The following NBEAL2 variants were observed in gnomAD, a reference collection of about 807,000 sequenced individuals.
NBEAL2 encodes neurobeachin-like protein 2.
NBEAL2 carries 160 observed loss-of-function variants against 299.8 expected under a neutral mutation model. The ratio of observed to expected loss-of-function variants is 0.53; its 90% CI spans 0.47 to 0.61. NBEAL2 has a LOEUF of 0.61. NBEAL2 is among the 20% of genes least tolerant of loss of function. The pLI is 0.00. For missense variants in NBEAL2, 3,112 were observed against 3,649.0 expected, an observed-to-expected ratio of 0.85 and a Z score of 3.79; for synonymous variants, 1,493 against 1,542.3, an observed-to-expected ratio of 0.97 and a Z score of 0.75.
At position 46,989,878 on chromosome 3, in the gene NBEAL2, G is replaced by A. The variant is rs997496597; in HGVS notation, c.556+285G>A. 6.6e-6 allele frequency among the ~76,000 whole-genome samples: 1 copy of A among 152,114 alleles called. No homozygotes were observed. Among genetic ancestry groups the A allele is most frequent in the African/African-American group, 2.4e-5 (1 of 41,400 alleles). ...TCCTTCTAGCCACTTGTACCCTACTGTGATCTTAAAACTCTCTGGTCCAAT... is the reference window on the plus strand; with the variant it reads ...TCCTTCTAGCCACTTGTACCCTACTATGATCTTAAAACTCTCTGGTCCAAT... On this transcript the variant is annotated intron_variant, in intron 6 of 53. Coordinates refer to ENST00000450053, the MANE Select transcript of NBEAL2 (RefSeq NM_015175.3). The surrounding 1 kb of genome is among the most constrained non-coding windows in gnomAD (Gnocchi z 5.5).
chr3:46,991,931 C>T lies in NBEAL2; in HGVS notation c.1017C>T (p.Leu339=). Residue 339 remains leucine, a synonymous_variant, in exon 9 of 54, where the codon CTC becomes CTT. Transcript: ENST00000450053. The surrounding 1 kb of genome is among the most constrained non-coding windows in gnomAD (Gnocchi z 6.2). ...ATTGCTTTGAACACCTCACTCGGCT[C>T]ATTCAGAACAGCAAGGTGGGTAGGG... ...SNNCFEHLTR[L]IQNSKLYLQS... 1 of 1,599,032 alleles carries T rather than the reference C, an allele frequency of 6.3e-7. No individual in the cohort carries two copies. Among genetic ancestry groups the T allele is most frequent in the Non-Finnish European group, 8.5e-7 (1 of 1,172,952 alleles).
intron 9 of NBEAL2, 146 bp from the exon 10 acceptor site, chr3:46,992,329 G>A: frequency 1.3e-6 from 1 of 769,620 alleles, no homozygotes; most frequent in Non-Finnish European, 2.2e-6. Flanking sequence ...TCTGAGCAGG[G>A]CACAGGGGGC....
chr3:47,001,369 GCTGCTGCGT>G lies in NBEAL2; in HGVS notation c.4583_4591del (p.Arg1528_Leu1530del). On this transcript the variant is annotated inframe_deletion, in exon 29 of 54. Transcript: ENST00000450053. The surrounding 1 kb of genome is among the most constrained non-coding windows in gnomAD (Gnocchi z 6.1). ...CCAGCCTCACCCAGCAAGCGCTTTG[GCTGCTGCGT>G]CTGCTGCAGGACTTCCTGTGTGCTG... 1 of 1,613,294 alleles carries G rather than the reference GCTGCTGCGT, an allele frequency of 6.2e-7. No homozygotes were observed. The highest frequency in any genetic ancestry group is 8.5e-7 in the Non-Finnish European group (1 of 1,179,886).
chr3:46,998,631 G>C, intron 22 of NBEAL2, 66 bp downstream of exon 22: 1 of 1,567,168 alleles, frequency 6.4e-7, no homozygotes, highest in Non-Finnish European at 8.7e-7. Context: ...TTGGGGACTG[G>C]GCGGTGCGCT....
At position 46,988,850 on chromosome 3, in the gene NBEAL2, A is replaced by C; in HGVS notation, c.149A>C (p.Glu50Ala). 1 of 1,606,742 alleles carries C rather than the reference A, an allele frequency of 6.2e-7. No homozygotes were observed. The highest frequency in any genetic ancestry group is 8.5e-7 in the Non-Finnish European group (1 of 1,174,708). ...CTCCCCTTTCCTTGCAGGCCAGAGG[A>C]GGCAGGTGCAGAGGTCCCGCTGCTA... is the stretch of plus-strand genomic sequence containing the variant. ...LSSLEPRRPEEAGAEVPLLPL... is the reference protein window; with the variant it reads ...LSSLEPRRPEAAGAEVPLLPL... Residue 50 changes from glutamate to alanine, a missense_variant, in exon 3 of 54, where the codon GAG becomes GCG. Physicochemically the swap from Glu to Ala is moderately radical, Grantham distance 107. Around this residue, in one of 3 missense-constraint regions of NBEAL2, gnomAD observed 2,243 missense variants for 2,538.1 expected, o/e 0.88. Transcript: ENST00000450053. This position sits in a 1 kb window ranked among gnomAD's most constrained non-coding sequence, Gnocchi z 4.4.
At position 46,988,152 on chromosome 3, in the gene NBEAL2, T is replaced by G; in HGVS notation, c.52-517T>G. ...ATGAGGATGTGCGCATGTCTGGGTC[T>G]GCCTGTCTAATGGTACACGTGTGTC... is the stretch of plus-strand genomic sequence containing the variant. On this transcript the variant is annotated intron_variant, in intron 1 of 53. Coordinates refer to ENST00000450053, the MANE Select transcript of NBEAL2 (RefSeq NM_015175.3). The surrounding 1 kb of genome is among the most constrained non-coding windows in gnomAD (Gnocchi z 4.4). 1 of 1,027,632 alleles carries G rather than the reference T, an allele frequency of 9.7e-7. No homozygotes were observed. The highest frequency in any genetic ancestry group is 1.6e-5 in the South Asian group (1 of 61,200). The allele number at this position is 1,027,632 out of a possible 1,614,324, so 63.7% of individuals were successfully genotyped here. A position where few individuals can be genotyped will look rare whatever the true frequency, so the allele number is the denominator to read the frequency against.
intron 1 of NBEAL2, among the ~76,000 whole-genome samples, chr3:46,986,576 G>T (rs985897256): frequency 2.0e-5 from 3 of 152,170 alleles, no homozygotes; most frequent in Admixed American, 1.3e-4. Flanking sequence ...TAGAGCTGCA[G>T]CTGGCAGGAA....
In NBEAL2 at chr3:47,009,227, C is replaced by T. The variant is rs753795702; in HGVS notation, c.8172C>T (p.Ser2724=). 5 of 1,596,436 alleles carry T rather than the reference C, an allele frequency of 3.1e-6. No individual in the cohort carries two copies. In the South Asian group the frequency reaches 4.6e-5, roughly 15 times the overall value. The part of the protein sequence containing the change: ...VVAGQPSEVR[S]SQFARKLWRS... ...ACCCTTACGCCCACCAGGTGCGCAG[C>T]AGCCAGTTCGCGCGGAAGCTGTGGC... Residue 2724 remains serine (S), a synonymous_variant, in exon 54 of 54, where the codon AGC becomes AGT. Coordinates refer to ENST00000450053, the MANE Select transcript of NBEAL2 (RefSeq NM_015175.3).
chr3:47,004,354 C>T lies in NBEAL2; in HGVS notation c.6159C>T (p.Arg2053=). The T allele has an allele frequency of 6.2e-7, 1 of 1,604,430 alleles. No homozygotes were observed. Among genetic ancestry groups the T allele is most frequent in the Non-Finnish European group, 8.5e-7 (1 of 1,174,256 alleles). The change falls in exon 37 of 54, where the codon CGC becomes CGT. Residue 2053 remains arginine (R), a synonymous_variant. Transcript: ENST00000450053. This position sits in a 1 kb window ranked among gnomAD's most constrained non-coding sequence, Gnocchi z 5.0. ...RPPSQGYLSS[R]SPQEMLRASG... is the part of the protein sequence containing the mutation. ...CCTCTCAAGGCTACCTAAGCAGCCGCTCCCCCCAGGAGATGCTGCGTGCCT... is the reference window on the plus strand; with the variant it reads ...CCTCTCAAGGCTACCTAAGCAGCCGTTCCCCCCAGGAGATGCTGCGTGCCT...
rs778429939 is a variant in NBEAL2, at chr3:47,008,299, T to C, written c.7736T>C (p.Ile2579Thr). 5 of 1,613,104 alleles carry C rather than the reference T, an allele frequency of 3.1e-6. No individual in the cohort carries two copies. The highest frequency in any genetic ancestry group is 4.2e-6 in the Non-Finnish European group (5 of 1,179,526). The change falls in exon 51 of 54, where the codon ATA becomes ACA. Residue 2579 changes from isoleucine (I) to threonine (T), a missense_variant. Ile to Thr is a moderately conservative substitution (Grantham distance 89). Coordinates refer to ENST00000450053, the MANE Select transcript of NBEAL2 (RefSeq NM_015175.3). ...TTCCTGCAGGATGGAACTGTGATCA[T>C]ACACACTGTACGCCGCGGACAGTTT... ...VSGSEDGTVI[I>T]HTVRRGQFVA...
Position 46,988,617 on chromosome 3 carries a change from G to A in NBEAL2, c.52-52G>A. 1 of 1,504,194 alleles carries A rather than the reference G, an allele frequency of 6.6e-7. No homozygotes were observed. The allele number at this position is 1,504,194 out of a possible 1,614,324, so 93.2% of individuals were successfully genotyped here. On this transcript the variant is annotated intron_variant, in intron 1 of 53. Transcript: ENST00000450053. This position sits in a 1 kb window ranked among gnomAD's most constrained non-coding sequence, Gnocchi z 4.4. The stretch of plus-strand genomic sequence containing the variant: ...GTCTACATCCCCTTGTCCCTGCCCT[G>A]TTTACTGCATCCCTCCTGCCCCCCA...
Position 46,989,065 on chromosome 3 carries a change from C to G in NBEAL2, c.270-20C>G. ...GGCATGGTGTATTATTGTGACCTCTCTCATCATTGACTCCCCCAGGAACCT... is the reference window on the plus strand; with the variant it reads ...GGCATGGTGTATTATTGTGACCTCTGTCATCATTGACTCCCCCAGGAACCT... On this transcript the variant is annotated intron_variant, in intron 3 of 53. Transcript: ENST00000450053. The surrounding 1 kb of genome is among the most constrained non-coding windows in gnomAD (Gnocchi z 5.5). 2.5e-6 allele frequency: 4 copies of G among 1,613,050 alleles called. No homozygotes were observed. The highest frequency in any genetic ancestry group is 1.1e-5 in the South Asian group (1 of 90,906).
In NBEAL2 at chr3:46,991,463, C is replaced by G; in HGVS notation, c.700C>G (p.Arg234Gly). The change falls in exon 8 of 54, where the codon CGG becomes GGG. Residue 234 changes from arginine to glycine, a missense_variant. Coordinates refer to ENST00000450053, the MANE Select transcript of NBEAL2 (RefSeq NM_015175.3). The surrounding 1 kb of genome is among the most constrained non-coding windows in gnomAD (Gnocchi z 6.2). ...TGTGAAGGGCCTGCTGAGTGTGGTGCGGGGCTGGAGCCGTGGGCCAGCCCC... is the reference window on the plus strand; with the variant it reads ...TGTGAAGGGCCTGCTGAGTGTGGTGGGGGGCTGGAGCCGTGGGCCAGCCCC... Reference protein sequence around the residue: ...GSVKGLLSVVRGWSRGPAPDP... With the variant: ...GSVKGLLSVVGGWSRGPAPDP... The G allele has an allele frequency of 1.2e-6, 2 of 1,612,090 alleles. No homozygotes were observed. Among genetic ancestry groups the G allele is most frequent in the Non-Finnish European group, 1.7e-6 (2 of 1,179,450 alleles).
Position 46,998,848 on chromosome 3 carries a change from G to A in NBEAL2, c.3353G>A (p.Ser1118Asn). The A allele has an allele frequency of 6.3e-7, 1 of 1,584,814 alleles. No homozygotes were observed. Among genetic ancestry groups the A allele is most frequent in the Non-Finnish European group, 8.6e-7 (1 of 1,165,930 alleles). Residue 1118 changes from serine (S) to asparagine (N), a missense_variant, in exon 23 of 54, where the codon AGC (serine) becomes AAC (asparagine). Ser to Asn is a conservative substitution (Grantham distance 46). Transcript: ENST00000450053. ...GTGCAGGTCACGCAGACCATGCTGA[G>A]CTTTTTGGCGGCCACAGGCGATGAC... ...DDVQVTQTML[S>N]FLAATGDDGQ...
chr3:46,995,625 G>T lies in NBEAL2; in HGVS notation c.1890G>T (p.Gln630His). Residue 630 changes from glutamine (Q) to histidine (H), a missense_variant, in exon 13 of 54, where the codon CAG becomes CAT. Around this residue, in one of 3 missense-constraint regions of NBEAL2, gnomAD observed 2,243 missense variants for 2,538.1 expected, o/e 0.88. Transcript: ENST00000450053. ...PAPTRPLQRK[Q>H]LYSFFTSSGS... ...CCACCCGACCACTCCAGCGAAAGCA[G>T]CTGTACAGGTGGGTGACTGCCAGGG... The T allele has an allele frequency of 6.2e-7, 1 of 1,611,090 alleles. No individual in the cohort carries two copies. The highest frequency in any genetic ancestry group is 8.5e-7 in the Non-Finnish European group (1 of 1,178,426).
At position 47,007,137 on chromosome 3, in the gene NBEAL2, G is replaced by C. The variant is rs2037503182; in HGVS notation, c.7206G>C (p.Gln2402His). ...GGCAGCCCCACTCCTTCATCACCCAGGGTTCCCCAGACCTGTTGGTAAGTG... is the reference window on the plus strand; with the variant it reads ...GGCAGCCCCACTCCTTCATCACCCACGGTTCCCCAGACCTGTTGGTAAGTG... ...PHRQPHSFITQGSPDLLVTVS... is the reference protein window; with the variant it reads ...PHRQPHSFITHGSPDLLVTVS... The change falls in exon 46 of 54, where the codon CAG becomes CAC. Residue 2402 changes from glutamine to histidine, a missense_variant. This residue lies in a region of NBEAL2 where 521 missense variants were observed against 729.6 expected (regional missense o/e 0.71). Transcript: ENST00000450053. 1.9e-6 allele frequency: 3 copies of C among 1,613,746 alleles called. No homozygotes were observed. Among genetic ancestry groups the C allele is most frequent in the Non-Finnish European group, 2.5e-6 (3 of 1,179,818 alleles).
At chr3:46,999,607 G>A (rs1364922228) in intron 25 of NBEAL2, 23 bp from the exon 26 acceptor site, 8 of 1,602,650 alleles carry the variant, frequency 5.0e-6, no homozygotes, top group South Asian at 1.1e-5. Context: ...AGTCCCTCAG[G>A]TCCCCCCAAC....
In NBEAL2 at chr3:46,995,217, G is replaced by C. The variant is rs377485621; in HGVS notation, c.1482G>C (p.Leu494=). 111 of 1,555,672 alleles carry C rather than the reference G, an allele frequency of 7.1e-5. No homozygotes were observed. In the African/African-American group the frequency reaches 1.4e-3, roughly 19 times the overall value. ...ASRATCVQAG[L]VGCLLETLST... is the part of the protein sequence containing the mutation. ...GTGCCACCTGTGTGCAGGCAGGCCT[G>C]GTGGGCTGCCTGTTGGAGACACTCA... Residue 494 remains leucine, a synonymous_variant, in exon 13 of 54, where the codon CTG becomes CTC. Transcript: ENST00000450053.
In NBEAL2 at chr3:47,001,045, G is replaced by A; in HGVS notation, c.4350G>A (p.Leu1450=). ...TGTGCAATCTGCTCACCAACGTGCT[G>A]TTCTCGGTGACGTGGCGTGGCGTGG... is the stretch of plus-strand genomic sequence containing the variant. ...EELCNLLTNV[L]FSVTWRGVEG... is the part of the protein sequence containing the mutation. Residue 1450 remains leucine, a synonymous_variant, in exon 28 of 54, where the codon CTG becomes CTA. Coordinates refer to ENST00000450053, the MANE Select transcript of NBEAL2 (RefSeq NM_015175.3). This position sits in a 1 kb window ranked among gnomAD's most constrained non-coding sequence, Gnocchi z 6.1. 1 of 1,612,608 alleles carries A rather than the reference G, an allele frequency of 6.2e-7. No homozygotes were observed. Among genetic ancestry groups the A allele is most frequent in the South Asian group, 1.1e-5 (1 of 90,766 alleles).
Sources: allele counts gnomAD v4.1 joint callset (sites outside exome capture counted in the v4.1 genomes callset), GRCh38; gene constraint gnomAD v4.1.1; regional missense constraint gnomAD v4.1.1; non-coding constraint Gnocchi (gnomAD v3.1); transcripts MANE v1.5; gene names NCBI Gene and HGNC (gene_info 2026-07-23, HGNC 2026-07-21).